Variants in ATP10A observed in about 807,000 individuals in gnomAD.
ATP10A encodes the protein phospholipid-transporting ATPase VA.
A neutral mutation model predicts 147.8 loss-of-function variants in ATP10A; 111 were observed. That is an observed-to-expected ratio of 0.75 (90% CI 0.64 to 0.88). The LOEUF is 0.88. Among genes scored for constraint, ATP10A ranks in the 40% least tolerant of loss-of-function variants. The pLI, the probability that ATP10A is intolerant of heterozygous loss-of-function variation, is 0.00. For synonymous variants in ATP10A, 875 were observed against 841.6 expected, an observed-to-expected ratio of 1.04 and a Z score of -0.69; for missense variants, 1,927 against 1,959.0, an observed-to-expected ratio of 0.98 and a Z score of 0.31.
intron 8 of ATP10A, 61 bp from the exon 9 acceptor site, chr15:25,716,985 G>T: frequency 2.2e-6 from 3 of 1,370,372 alleles, no homozygotes; most frequent in Non-Finnish European, 2.9e-6. Flanking sequence ...ATCTTGGGGC[G>T]TGACTATTTA....
At chr15:25,699,792 T>A (rs974374405) in intron 13 of ATP10A, among the ~76,000 whole-genome samples, 7 of 152,126 alleles carry the variant, frequency 4.6e-5, no homozygotes, top group African/African-American at 1.7e-4. Flanking sequence ...CCCTTGAGCC[T>A]GGGAGGTTGA....
chr15:25,708,683 A>C (rs894647341), intron 10 of ATP10A: 1 of 177,410 alleles, frequency 5.6e-6, no homozygotes, highest in African/African-American at 2.4e-5. Flanking sequence ...AACTACATCA[A>C]AAGTCATTTG....
At chr15:25,805,146 T>A (rs768330634) in intron 1 of ATP10A, among the ~76,000 whole-genome samples, 2 of 152,190 alleles carry the variant, frequency 1.3e-5, no homozygotes, top group Non-Finnish European at 2.9e-5. Flanking sequence ...ATGGGACCCC[T>A]GTCTGCCACG....
chr15:25,787,983 G>A (rs1452183876), intron 1 of ATP10A, among the ~76,000 whole-genome samples: 2 of 152,156 alleles, frequency 1.3e-5, no homozygotes, highest in Non-Finnish European at 2.9e-5. Context: ...ACAAGCCACT[G>A]AGAGAGTTCC....
Position 25,723,946 on chromosome 15 carries a change from A to AAGG in ATP10A, c.1052_1054dup (p.Ser351dup). 1 of 1,611,346 alleles carries AAGG rather than the reference A, an allele frequency of 6.2e-7. No homozygotes were observed. Among genetic ancestry groups the AAGG allele is most frequent in the East Asian group, 2.2e-5 (1 of 44,772 alleles). Reference sequence around the variant, plus strand: ...GTAAACTGCAGCTGTGACTGGGGATAAGGAGCTTCCATCAGACTTGGGGAC... The same window carrying AAGG: ...GTAAACTGCAGCTGTGACTGGGGATAAGGAGGAGCTTCCATCAGACTTGGGGAC... On this transcript the variant is annotated inframe_insertion, in exon 6 of 21. Transcript: ENST00000555815.
At chr15:25,718,886 C>A (rs947667761) in intron 7 of ATP10A, among the ~76,000 whole-genome samples, 1 of 152,090 alleles carries the variant, frequency 6.6e-6, no homozygotes, top group African/African-American at 2.4e-5. Context: ...CAGGGGGGCT[C>A]ACACTCCCAG....
intron 2 of ATP10A, among the ~76,000 whole-genome samples, chr15:25,750,549 TTTG>T (rs1888095401): frequency 6.6e-6 from 1 of 152,142 alleles, no homozygotes; most frequent in South Asian, 2.1e-4. Context: ...GTTTGTTTGT[TTTG>T]TTATTTGACA....
chr15:25,858,071 G>A (rs1893593108), intron 1 of ATP10A, among the ~76,000 whole-genome samples: 1 of 152,168 alleles, frequency 6.6e-6, no homozygotes, highest in African/African-American at 2.4e-5. Context: ...GACCTCATGA[G>A]CCCAGTAATA....
chr15:25,754,284 C>G (rs1888306225), intron 2 of ATP10A, among the ~76,000 whole-genome samples: 1 of 152,122 alleles, frequency 6.6e-6, no homozygotes, highest in Non-Finnish European at 1.5e-5. Flanking sequence ...CAGGCGCGTG[C>G]CACCATGCCC....
chr15:25,718,024 G>C (rs1901927625), intron 8 of ATP10A, among the ~76,000 whole-genome samples, 158 bp downstream of exon 8: 1 of 152,228 alleles, frequency 6.6e-6, no homozygotes, highest in Non-Finnish European at 1.5e-5. Flanking sequence ...CGACAGTGGA[G>C]AGAAAGTGTT....
chr15:25,729,789 C>T (rs538489262), intron 3 of ATP10A, among the ~76,000 whole-genome samples: 1 of 152,282 alleles, frequency 6.6e-6, no homozygotes, highest in Admixed American at 6.5e-5. Flanking sequence ...ACTCCCAGGC[C>T]CCCCACCCAG....
Position 25,713,848 on chromosome 15 carries a change from C to T in ATP10A, c.2170G>A (p.Val724Met). The change falls in exon 10 of 21, where the codon GTG becomes ATG. Residue 724 changes from valine to methionine, a missense_variant. Val to Met is a conservative substitution (Grantham distance 21). Coordinates refer to ENST00000555815, the MANE Select transcript of ATP10A (RefSeq NM_024490.4). ...AGCCTGCCCAGGTGGGGCAGCTCCA[C>T]TGACACTTGGTCGTGCAGCCGCTCC... is the stretch of plus-strand genomic sequence containing the variant. ...LVERLHDQVSVELPHLGRLTF... is the reference protein window; with the variant it reads ...LVERLHDQVSMELPHLGRLTF... 6.2e-7 allele frequency: 1 copy of T among 1,614,004 alleles called. No individual in the cohort carries two copies. Among genetic ancestry groups the T allele is most frequent in the Non-Finnish European group, 8.5e-7 (1 of 1,180,048 alleles).
intron 17 of ATP10A, among the ~76,000 whole-genome samples, chr15:25,681,344 G>A (rs1336252572): frequency 6.6e-6 from 1 of 152,162 alleles, no homozygotes; most frequent in Non-Finnish European, 1.5e-5. Context: ...CACCATCTTT[G>A]TCGTTTATCC....
At chr15:25,700,905 A>C (rs1171385507) in intron 13 of ATP10A, among the ~76,000 whole-genome samples, 2 of 151,698 alleles carry the variant, frequency 1.3e-5, no homozygotes, top group African/African-American at 4.9e-5. Context: ...AAATTCGCAA[A>C]CTTTCTTGGA....
chr15:25,691,636 C>A (rs192409594), intron 15 of ATP10A, 79 bp downstream of exon 15: 19 of 1,445,862 alleles, frequency 1.3e-5, no homozygotes, highest in Non-Finnish European at 1.7e-5. Context: ...CAGAGGAAGT[C>A]GGGGACAGCC....
At chr15:25,773,179 C>G (rs1427458833) in intron 2 of ATP10A, among the ~76,000 whole-genome samples, 1 of 152,126 alleles carries the variant, frequency 6.6e-6, no homozygotes, top group East Asian at 1.9e-4. Context: ...TCATGGATCT[C>G]TGCTGCTGTA....
intron 2 of ATP10A, among the ~76,000 whole-genome samples, chr15:25,762,961 T>C (rs1360522730): frequency 6.6e-6 from 1 of 152,192 alleles, no homozygotes; most frequent in Non-Finnish European, 1.5e-5. Flanking sequence ...GCTAAAGTTT[T>C]CAACCGATAA....
At chr15:25,853,943 G>GA (rs1293654735) in intron 1 of ATP10A, among the ~76,000 whole-genome samples, 3 of 104,370 alleles carry the variant, frequency 2.9e-5, no homozygotes, top group African/African-American at 3.6e-5. Flanking sequence ...CCCTGTCTCA[G>GA]AAAAAAAAAG....
chr15:25,786,617 CTTTTTTTTTT>C (rs35892408), intron 1 of ATP10A, among the ~76,000 whole-genome samples: 3 of 68,868 alleles, frequency 4.4e-5, no homozygotes, highest in African/African-American at 1.9e-4. Context: ...TCATTATCAT[CTTTTTTTTTT>C]TTTTTTTTTT....
Sources: gnomAD v4.1 joint callset for allele counts (sites outside exome capture counted in the v4.1 genomes callset) on GRCh38, gnomAD v4.1.1 for gene constraint, MANE v1.5 for transcripts, NCBI Gene and HGNC (gene_info 2026-07-23, HGNC 2026-07-21) for gene names.